Variants in SSBP3 observed in about 807,000 individuals in gnomAD.
The protein encoded by SSBP3 is single-stranded DNA-binding protein 3.
A neutral mutation model predicts 69.6 loss-of-function variants in SSBP3; 5 were observed. The ratio of observed to expected loss-of-function variants is 0.07; its 90% CI spans 0.04 to 0.15. The LOEUF is 0.15. Among genes scored for constraint, SSBP3 ranks in the 10% least tolerant of loss-of-function variants. SSBP3 has a pLI of 1.00. For synonymous variants in SSBP3, 196 were observed against 193.4 expected, an observed-to-expected ratio of 1.01 and a Z score of -0.11; for missense variants, 312 against 534.0, an observed-to-expected ratio of 0.58 and a Z score of 4.10.
intron 4 of SSBP3, among the ~76,000 whole-genome samples, chr1:54,369,221 G>GGGGC (rs1647081759): frequency 6.6e-6 from 1 of 150,516 alleles, no homozygotes; most frequent in African/African-American, 2.5e-5. Flanking sequence ...CTTGAGTCGG[G>GGGGC]GGGGGGGCCC....
intron 4 of SSBP3, among the ~76,000 whole-genome samples, chr1:54,294,159 A>AAAAAAAAAAGAAAG (rs754650225): frequency 3.5e-5 from 3 of 86,164 alleles, no homozygotes; most frequent in Non-Finnish European, 4.5e-5. Context: ...AAAAAAAAAA[A>AAAAAAAAAAGAAAG]AAAGAAAGAA....
chr1:54,399,318 A>G (rs561311262), intron 4 of SSBP3, among the ~76,000 whole-genome samples: 2 of 152,390 alleles, frequency 1.3e-5, no homozygotes, highest in African/African-American at 4.8e-5. Flanking sequence ...CACCCATTCC[A>G]GAGTCAGTCA....
intron 4 of SSBP3, among the ~76,000 whole-genome samples, chr1:54,344,127 C>T (rs980547803): frequency 6.6e-6 from 1 of 151,984 alleles, no homozygotes; most frequent in African/African-American, 2.4e-5. Flanking sequence ...AGTGGACTGA[C>T]ATTACCCTAC....
intron 1 of SSBP3, among the ~76,000 whole-genome samples, chr1:54,411,890 T>G (rs1448919367): frequency 5.4e-5 from 3 of 55,940 alleles, no homozygotes; most frequent in African/African-American, 1.4e-4. Context: ...AGACTCCGTC[T>G]CAAAAAAAAA....
At chr1:54,240,065 TGTGTGTGTGTGTGTGTGTGTGTGCGC>T (rs1453709094) in intron 13 of SSBP3, among the ~76,000 whole-genome samples, 4,587 of 34,886 alleles carry the variant, frequency 0.13, 205 homozygotes, top group African/African-American at 0.31. Flanking sequence ...TGTGTGTGTG[TGTGTGTGTGTGTGTGTGTGTGTGCGC>T]GCGCGCGCGT....
rs1467073562 is a variant in SSBP3, at chr1:54,266,742, G to T, written c.367-8593C>A. 1.7e-3 allele frequency among the ~76,000 whole-genome samples: 253 copies of T among 152,332 alleles called. 1 individual carries two copies. Among genetic ancestry groups the T allele is most frequent in the African/African-American group, 5.6e-3 (233 of 41,556 alleles). ...AGGCATTAATTATCAGAGCCAAGAT[G>T]TTATGCCCCTGAGGACAAACAGAAT... On this transcript the variant is annotated intron_variant, in intron 5 of 17. Transcript: ENST00000610401.
upstream of SSBP3, among the ~76,000 whole-genome samples, chr1:54,407,540 T>C (rs1649861405): frequency 6.6e-6 from 1 of 151,920 alleles, no homozygotes; most frequent in Non-Finnish European, 1.5e-5. Flanking sequence ...TGCCCCTCAT[T>C]AGGGACTCTT....
intron 14 of SSBP3, among the ~76,000 whole-genome samples, chr1:54,234,012 T>C (rs1216718203): frequency 1.2e-4 from 18 of 152,032 alleles, no homozygotes; most frequent in African/African-American, 2.9e-4. Context: ...AGAAAAATTC[T>C]TCTGCCTTGG....
chr1:54,263,701 C>T (rs932162624), intron 5 of SSBP3, among the ~76,000 whole-genome samples: 4 of 152,258 alleles, frequency 2.6e-5, no homozygotes, highest in East Asian at 3.9e-4. Context: ...TTTCCTTACT[C>T]CATGTCTGGG....
At chr1:54,259,423 T>G (rs1399369915) in intron 5 of SSBP3, among the ~76,000 whole-genome samples, 2 of 152,150 alleles carry the variant, frequency 1.3e-5, no homozygotes, top group African/African-American at 2.4e-5. Context: ...TGGGTCACAG[T>G]CAGTAAGCGC....
intron 4 of SSBP3, among the ~76,000 whole-genome samples, chr1:54,372,872 A>G (rs1363580194): frequency 1.3e-5 from 2 of 152,258 alleles, no homozygotes; most frequent in Non-Finnish European, 2.9e-5. Flanking sequence ...GGCCAGGACA[A>G]GGGCAAAGCC....
chr1:54,361,436 TAAAAAG>T (rs1198523439), intron 4 of SSBP3, among the ~76,000 whole-genome samples: 4 of 151,930 alleles, frequency 2.6e-5, no homozygotes, highest in African/African-American at 7.3e-5. Flanking sequence ...CGAACAACCC[TAAAAAG>T]AAAAGAGCCC....
At chr1:54,271,612 AC>A (rs1235218679) in intron 5 of SSBP3, among the ~76,000 whole-genome samples, 3 of 15,518 alleles carry the variant, frequency 1.9e-4, no homozygotes, top group African/African-American at 9.1e-4. Context: ...GGCCTCCCTG[AC>A]GGCCGAGCTG....
chr1:54,287,754 G>A (rs1645517496), intron 4 of SSBP3, among the ~76,000 whole-genome samples: 3 of 152,284 alleles, frequency 2.0e-5, no homozygotes, highest in South Asian at 2.1e-4. Flanking sequence ...CACCCAGATG[G>A]AAAGGCCAAG....
intron 4 of SSBP3, among the ~76,000 whole-genome samples, chr1:54,395,919 G>A (rs948228516): frequency 6.6e-5 from 10 of 152,046 alleles, no homozygotes; most frequent in African/African-American, 1.9e-4. Context: ...CCGGCCAGGC[G>A]CGGTGGCTCA....
intron 4 of SSBP3, among the ~76,000 whole-genome samples, chr1:54,384,575 AT>A (rs972915864): frequency 6.6e-6 from 1 of 152,258 alleles, no homozygotes; most frequent in Non-Finnish European, 1.5e-5. Flanking sequence ...AAACTGAGAC[AT>A]GAAAAATAAA....
chr1:54,249,423 G>T (rs554988660), intron 9 of SSBP3, among the ~76,000 whole-genome samples: 110 of 152,296 alleles, frequency 7.2e-4, no homozygotes, highest in African/African-American at 2.6e-3. Context: ...GGCCAGGCAC[G>T]GTGGCTCACG....
At chr1:54,374,563 T>C (rs915994020) in intron 4 of SSBP3, among the ~76,000 whole-genome samples, 38 of 152,180 alleles carry the variant, frequency 2.5e-4, no homozygotes, top group Non-Finnish European at 8.8e-5. Context: ...TATCCTATAA[T>C]GGATGCTTAC....
At chr1:54,325,424 G>GCTGA (rs1646284559) in intron 4 of SSBP3, 1 of 167,192 alleles carries the variant, frequency 6.0e-6, no homozygotes, top group African/African-American at 2.4e-5. Flanking sequence ...TACAGACGTG[G>GCTGA]CTGAATGAAT....
Sources: gnomAD v4.1 joint callset for allele counts (sites outside exome capture counted in the v4.1 genomes callset) on GRCh38, gnomAD v4.1.1 for gene constraint, MANE v1.5 for transcripts, NCBI Gene and HGNC (gene_info 2026-07-23, HGNC 2026-07-21) for gene names.